CALU: variants seen among roughly 807,000 people sequenced by gnomAD.
CALU encodes IEF SSP 9302.
In CALU, 13 loss-of-function variants were observed where a neutral mutation model predicts 37.5. The ratio of observed to expected loss-of-function variants is 0.35; its 90% confidence interval spans 0.23 to 0.55. The LOEUF is 0.55. Ranked by LOEUF, CALU falls within the 20% of genes least tolerant of loss-of-function variation. The pLI, the probability that CALU is intolerant of heterozygous loss-of-function variation, is 0.89. For synonymous variants in CALU, 114 were observed against 133.8 expected (o/e 0.85, Z 1.02); for missense variants, 282 against 391.7 (o/e 0.72, Z 2.36).
chr7:128,768,667 C>T (rs987747065), intron 6 of CALU, among the ~76,000 whole-genome samples: 1 of 151,940 alleles, frequency 6.6e-6, no homozygotes, highest in African/African-American at 2.4e-5. Context: ...GGAGAAACCC[C>T]ATCTCTACTA....
At chr7:128,744,710 G>A (rs1037872562) in intron 1 of CALU, among the ~76,000 whole-genome samples, 1 of 152,088 alleles carries the variant, frequency 6.6e-6, no homozygotes, top group African/African-American at 2.4e-5. Flanking sequence ...TGTGGGTGAG[G>A]GAAAGGGAGG....
chr7:128,767,211 G>T (rs981427964), intron 5 of CALU, among the ~76,000 whole-genome samples: 2 of 152,108 alleles, frequency 1.3e-5, no homozygotes, highest in Non-Finnish European at 2.9e-5. Context: ...CATTTATTAA[G>T]GTATAAGAAC....
chr7:128,743,980 A>G (rs1050546774), intron 1 of CALU, among the ~76,000 whole-genome samples: 11 of 152,160 alleles, frequency 7.2e-5, no homozygotes, highest in Non-Finnish European at 1.5e-4. Context: ...CCGAGACGGG[A>G]GAATCACTTG....
At chr7:128,759,135 A>AG in intron 4 of CALU, 98 bp downstream of exon 4, 1 of 807,508 alleles carries the variant, frequency 1.2e-6, no homozygotes, top group Non-Finnish European at 2.0e-6. Flanking sequence ...TCTTATATAT[A>AG]TATATGCTAT....
rs144879508 is a variant in CALU, at chr7:128,770,901, T to C, written c.*1734T>C. On this transcript the variant is annotated 3_prime_UTR_variant, in exon 7 of 7. Coordinates refer to ENST00000249364, the MANE Select transcript of CALU (RefSeq NM_001219.5). Reference sequence around the variant, plus strand: ...ATAATCTGAACCTAGGTATATCCTTTGGTCTTCCACAGTCATGTTGAGGTG... The same window carrying C: ...ATAATCTGAACCTAGGTATATCCTTCGGTCTTCCACAGTCATGTTGAGGTG... 2.2e-4 allele frequency: 34 copies of C among 152,816 alleles called. No individual in the cohort carries two copies. In the East Asian group the frequency reaches 5.8e-3, roughly 26 times the overall value. The allele number at this position is 152,816 out of a possible 1,614,324, so 9.5% of individuals were successfully genotyped here. A position where few individuals can be genotyped will look rare whatever the true frequency, so the allele number is the denominator to read the frequency against.
intron 6 of CALU, 63 bp from the exon 7 acceptor site, chr7:128,769,000 G>A (rs1205540239): frequency 1.1e-6 from 1 of 921,804 alleles, no homozygotes; most frequent in African/African-American, 1.6e-5. Context: ...TTCTATAACA[G>A]TGTTTCTGAA....
chr7:128,767,722 A>G (rs938472567), intron 6 of CALU, 67 bp downstream of exon 6: 3 of 1,318,688 alleles, frequency 2.3e-6, no homozygotes, highest in African/African-American at 1.4e-5. Flanking sequence ...TCACCTGAAC[A>G]GTTTCTGTTA....
intron 5 of CALU, among the ~76,000 whole-genome samples, chr7:128,764,615 T>A (rs975927152): frequency 2.6e-5 from 4 of 152,222 alleles, no homozygotes; most frequent in African/African-American, 7.2e-5. Flanking sequence ...GGGTATTAGA[T>A]GATACCAAGG....
intron 5 of CALU, among the ~76,000 whole-genome samples, chr7:128,762,443 T>C (rs2128882105): frequency 6.6e-6 from 1 of 151,602 alleles, no homozygotes; most frequent in South Asian, 2.1e-4. Flanking sequence ...TTTGTAAATC[T>C]AAAATTCTCC....
In CALU at chr7:128,770,561, C is replaced by T. The variant is rs1032919913; in HGVS notation, c.*1394C>T. On this transcript the variant is annotated 3_prime_UTR_variant, in exon 7 of 7. Transcript: ENST00000249364. Reference sequence around the variant, plus strand: ...CATCACACCCCATTTCCTCCTCTTTCCCTCTCCCCGCTGCCAAAAAAAAAA... The same window carrying T: ...CATCACACCCCATTTCCTCCTCTTTTCCTCTCCCCGCTGCCAAAAAAAAAA... 661 of 148,934 alleles carry T rather than the reference C, an allele frequency of 4.4e-3. 6 individuals carry two copies. Among genetic ancestry groups the T allele is most frequent in the Non-Finnish European group, 6.6e-3 (438 of 66,786 alleles). 9.2% of individuals were successfully genotyped at this position (148,934 alleles called of 1,614,324 possible).
In CALU at chr7:128,773,314, T is replaced by C. The variant is rs1801669862; in HGVS notation, c.*4147T>C. On this transcript the variant is annotated 3_prime_UTR_variant, in exon 7 of 7. Transcript: ENST00000249364. ...AATTTTATTTAAGTTCCAGGATACA[T>C]GTGCAGGATGTGCAGGTTTGTTACA... Among the ~76,000 whole-genome samples the C allele has an allele frequency of 6.6e-6, 1 of 152,228 alleles. No individual in the cohort carries two copies. Among genetic ancestry groups the C allele is most frequent in the Non-Finnish European group, 1.5e-5 (1 of 68,034 alleles).
At chr7:128,764,906 G>A (rs928977899) in intron 5 of CALU, among the ~76,000 whole-genome samples, 2 of 151,940 alleles carry the variant, frequency 1.3e-5, no homozygotes, top group African/African-American at 2.4e-5. Context: ...CATTTTACAC[G>A]CATCCTGTTT....
rs1242686053 is a variant in CALU at position 128,770,842 on chromosome 7, G to A, written c.*1675G>A. 2.0e-5 allele frequency: 3 copies of A among 152,544 alleles called. No homozygotes were observed. Among genetic ancestry groups the A allele is most frequent in the Admixed American group, 6.5e-5 (1 of 15,268 alleles). 9.4% of individuals were successfully genotyped at this position (152,544 alleles called of 1,614,324 possible). A position where few individuals can be genotyped will look rare whatever the true frequency, so the allele number is the denominator to read the frequency against. ...CCTTTATTATTGCTATATCTTTGTG[G>A]ATAATACATTCAGGTGGTGCTGGGT... On this transcript the variant is annotated 3_prime_UTR_variant, in exon 7 of 7. Transcript: ENST00000249364.
intron 1 of CALU, among the ~76,000 whole-genome samples, chr7:128,740,489 G>A (rs1201566698): frequency 2.6e-5 from 4 of 151,458 alleles, no homozygotes; most frequent in Non-Finnish European, 5.9e-5. Context: ...ACAAATGCAA[G>A]TTTGACCTCA....
rs1688905 is a variant in CALU at position 128,772,063 on chromosome 7, G to T, written c.*2896G>T. On this transcript the variant is annotated 3_prime_UTR_variant, in exon 7 of 7. Transcript: ENST00000249364. ...TATTTGGGGCCACTGAGTTTTTTTT[G>T]TTTTTTTTTTTGTTTTGTTTTGTTT... 0.011 allele frequency among the ~76,000 whole-genome samples: 706 copies of T among 66,464 alleles called. 6 individuals are homozygous for T. Among genetic ancestry groups the T allele is most frequent in the African/African-American group, 0.028 (624 of 22,654 alleles). The allele number at this position is 66,464 out of a possible 152,430, so 43.6% of individuals were successfully genotyped here. A position where few individuals can be genotyped will look rare whatever the true frequency, so the allele number is the denominator to read the frequency against.
rs140036906 is a variant in CALU at position 128,760,238 on chromosome 7, A to G, written c.643+386A>G. Among the ~76,000 whole-genome samples the G allele has an allele frequency of 1.7e-3, 259 of 152,226 alleles. 1 individual carries two copies. Among genetic ancestry groups the G allele is most frequent in the African/African-American group, 5.9e-3 (245 of 41,550 alleles). On this transcript the variant is annotated intron_variant, in intron 5 of 6. Coordinates refer to ENST00000249364, the MANE Select transcript of CALU (RefSeq NM_001219.5). The stretch of plus-strand genomic sequence containing the variant: ...AAAGATGTATTTGCCCATAGAAACA[A>G]TTTACTCCAAGGGTCAATTCTCACT...
chr7:128,749,180 C>T (rs1294018723), intron 2 of CALU, among the ~76,000 whole-genome samples: 2 of 152,170 alleles, frequency 1.3e-5, no homozygotes, highest in Non-Finnish European at 2.9e-5. Flanking sequence ...TGGCACAAGC[C>T]AAGTCTTTGA....
At chr7:128,762,371 T>C (rs1422291950) in intron 5 of CALU, among the ~76,000 whole-genome samples, 46 of 150,102 alleles carry the variant, frequency 3.1e-4, no homozygotes, top group Non-Finnish European at 1.5e-5. Flanking sequence ...ATGTGTGCTT[T>C]TTTTTTTTTT....
intron 2 of CALU, among the ~76,000 whole-genome samples, chr7:128,749,428 A>G (rs192421837): frequency 1.3e-5 from 2 of 152,290 alleles, no homozygotes; most frequent in Non-Finnish European, 2.9e-5. Context: ...TGAAAAATGG[A>G]TTTGGTAGAA....
Sources: allele counts gnomAD v4.1 joint callset (sites outside exome capture counted in the v4.1 genomes callset), GRCh38; gene constraint gnomAD v4.1.1; transcripts MANE v1.5; gene names NCBI Gene and HGNC (gene_info 2026-07-23, HGNC 2026-07-21).